TRAP1: variants seen among roughly 807,000 people sequenced by gnomAD.
TRAP1 encodes heat shock protein 75 kDa, mitochondrial.
A neutral mutation model predicts 89.1 loss-of-function variants in TRAP1; 102 were observed. That is an observed-to-expected ratio of 1.15 (90% CI 0.98 to 1.35). The LOEUF (loss-of-function observed/expected upper bound fraction) is 1.35. TRAP1 is among the 40% of genes most tolerant of loss of function. The pLI, the probability that TRAP1 is intolerant of heterozygous loss-of-function variation, is 0.00. For synonymous variants in TRAP1, 508 were observed against 388.0 expected (o/e 1.31, Z -3.64); for missense variants, 1,256 against 945.3 (o/e 1.33, Z -4.31).
chr16:3,685,610 T>A (rs1328486278), intron 4 of TRAP1, among the ~76,000 whole-genome samples: 1 of 152,160 alleles, frequency 6.6e-6, no homozygotes, highest in African/African-American at 2.4e-5. Context: ...TCCACAAGGC[T>A]ACAGCAGCAG....
chr16:3,686,161 C>G (rs1421246334), intron 3 of TRAP1, 25 bp from the exon 4 acceptor site: 2 of 1,611,774 alleles, frequency 1.2e-6, no homozygotes, highest in South Asian at 2.2e-5. Flanking sequence ...ATGGGAGGCA[C>G]AGACAATGAA....
In TRAP1 at chr16:3,672,810, A is replaced by G. The variant is rs768248164; in HGVS notation, c.1055T>C (p.Met352Thr). The G allele has an allele frequency of 1.9e-5, 30 of 1,612,812 alleles. No homozygotes were observed. Among genetic ancestry groups the G allele is most frequent in the Non-Finnish European group, 2.5e-5 (30 of 1,179,636 alleles). Residue 352 changes from methionine to threonine, a missense_variant, in exon 10 of 18, where the codon ATG (methionine) becomes ACG (threonine). Physicochemically the swap from Met to Thr is moderately conservative, Grantham distance 81. Coordinates refer to ENST00000246957, the MANE Select transcript of TRAP1 (RefSeq NM_016292.3). ...IFYVPDMKPS[M>T]FDVSRELGSS... ...GCCCAGCTCCCGGCTCACATCAAAC[A>G]TGGACGGTTTCTGGGGGTGAGGAGA...
intron 11 of TRAP1, among the ~76,000 whole-genome samples, chr16:3,671,023 G>C (rs2050905942): frequency 6.6e-6 from 1 of 152,156 alleles, no homozygotes; most frequent in Non-Finnish European, 1.5e-5. Context: ...TTCAACACTG[G>C]AGAGAAACCG....
intron 17 of TRAP1, 165 bp from the exon 18 acceptor site, chr16:3,658,395 C>T: frequency 1.6e-6 from 1 of 643,232 alleles, no homozygotes; most frequent in South Asian, 2.0e-5. Context: ...GCTGGGATTA[C>T]AGGCGTGAGC....
intron 16 of TRAP1, chr16:3,659,708 C>T (rs2042952884): frequency 6.6e-6 from 1 of 151,994 alleles, no homozygotes; most frequent in South Asian, 2.1e-4. Flanking sequence ...GAGACTCAGC[C>T]ATTCCATTTC....
chr16:3,698,371 C>T (rs1324786249), intron 1 of TRAP1, among the ~76,000 whole-genome samples: 2 of 150,946 alleles, frequency 1.3e-5, no homozygotes, highest in Admixed American at 6.6e-5. Flanking sequence ...CAGTGCAGGG[C>T]GCCATCTCGG....
chr16:3,665,612 G>A (rs1368904028), intron 12 of TRAP1: 3 of 235,738 alleles, frequency 1.3e-5, no homozygotes, highest in South Asian at 1.7e-4. Flanking sequence ...CCCCACCCAC[G>A]GGATCGGAGT....
chr16:3,696,122 T>C (rs1416471389), intron 1 of TRAP1, among the ~76,000 whole-genome samples: 1 of 152,094 alleles, frequency 6.6e-6, no homozygotes, highest in African/African-American at 2.4e-5. Context: ...CACTCTAAAG[T>C]CCCACGTCCC....
chr16:3,669,725 C>T (rs957867160), intron 11 of TRAP1, among the ~76,000 whole-genome samples: 4 of 149,250 alleles, frequency 2.7e-5, no homozygotes, highest in African/African-American at 4.9e-5. Flanking sequence ...CCCAGCTACT[C>T]GGGAGGCTGA....
intron 1 of TRAP1, among the ~76,000 whole-genome samples, chr16:3,707,078 T>C (rs958968880): frequency 1.3e-5 from 2 of 152,114 alleles, no homozygotes; most frequent in African/African-American, 4.8e-5. Context: ...TTTTTAATTA[T>C]AGCCACCCTA....
intron 1 of TRAP1, among the ~76,000 whole-genome samples, chr16:3,716,539 A>G (rs1434460589): frequency 6.6e-6 from 1 of 152,238 alleles, no homozygotes; most frequent in Non-Finnish European, 1.5e-5. Context: ...ACCTGTATAC[A>G]CTGACATGAA....
rs188741801 is a variant in TRAP1 at position 3,708,402 on chromosome 16, G to A, written c.88+9019C>T. Among the ~76,000 whole-genome samples the A allele has an allele frequency of 2.6e-5, 4 of 152,250 alleles. No homozygotes were observed. The South Asian group carries it at 8.3e-4, about 32-fold the overall frequency. ...ACCTGTAATGCCAACACTTTGGGAG[G>A]CTGAGGCGGATGGATCATGAGGTCA... On this transcript the variant is annotated intron_variant, in intron 1 of 17. Coordinates refer to ENST00000246957, the MANE Select transcript of TRAP1 (RefSeq NM_016292.3).
intron 13 of TRAP1, 193 bp downstream of exon 13, chr16:3,664,081 C>CA (rs375478230): frequency 2.1e-4 from 122 of 593,080 alleles, no homozygotes; most frequent in East Asian, 1.8e-3. Flanking sequence ...AAAAAACAAA[C>CA]AAAAAAAACC....
chr16:3,688,523 T>C (rs2051168435), intron 3 of TRAP1, among the ~76,000 whole-genome samples: 1 of 152,034 alleles, frequency 6.6e-6, no homozygotes, highest in African/African-American at 2.4e-5. Flanking sequence ...TACTCTGTTG[T>C]GCAGGTCAGT....
chr16:3,709,240 A>C (rs1376726010), intron 1 of TRAP1, among the ~76,000 whole-genome samples: 1 of 151,796 alleles, frequency 6.6e-6, no homozygotes, highest in African/African-American at 2.4e-5. Context: ...AAAAAAAAAA[A>C]AAAAAAAGAA....
rs2151242372 is a variant in TRAP1, at chr16:3,663,759, A to G, written c.1570-197T>C. 1.4e-5 allele frequency: 9 copies of G among 629,416 alleles called. No homozygotes were observed. The East Asian group carries it at 2.5e-4, about 18-fold the overall frequency. The allele number at this position is 629,416 out of a possible 1,614,324, so 39.0% of individuals were successfully genotyped here. ...GGAAGGCTCTGACTGCCTTCAAGGCAGAAGCACTCCACGCATAAAGAAATC... is the reference window on the plus strand; with the variant it reads ...GGAAGGCTCTGACTGCCTTCAAGGCGGAAGCACTCCACGCATAAAGAAATC... On this transcript the variant is annotated intron_variant, in intron 13 of 17. Transcript: ENST00000246957.
In TRAP1 at chr16:3,662,011, T is replaced by A. The variant is rs909375484; in HGVS notation, c.1916A>T (p.Gln639Leu). ...KTQEERAQLL[Q>L]PTLEINPRHA... ...CCTGGGGTTGATCTCCAGCGTGGGC[T>A]GCAGGAGCTGTGCGCGCTCCTCCTG... The change falls in exon 16 of 18, where the codon CAG (glutamine) becomes CTG (leucine). Residue 639 changes from glutamine (Q) to leucine (L), a missense_variant. Coordinates refer to ENST00000246957, the MANE Select transcript of TRAP1 (RefSeq NM_016292.3). 1.2e-6 allele frequency: 2 copies of A among 1,611,286 alleles called. No individual in the cohort carries two copies. The highest frequency in any genetic ancestry group is 1.7e-5 in the Admixed American group (1 of 59,870).
rs370719958 is a variant in TRAP1, at chr16:3,696,724, A to AT, written c.89-5740dup. ...GGCCGTGTATTACCACTCCTAGCTA[A>AT]TTTTTTTTTTCTTTTTTTTTTTGAC... On this transcript the variant is annotated intron_variant, in intron 1 of 17. Coordinates refer to ENST00000246957, the MANE Select transcript of TRAP1 (RefSeq NM_016292.3). 7.7e-4 allele frequency among the ~76,000 whole-genome samples: 112 copies of AT among 145,704 alleles called. No individual in the cohort carries two copies. In the South Asian group the frequency reaches 0.01, roughly 14 times the overall value.
In TRAP1 at chr16:3,658,097, C is replaced by G. The variant is rs2042819224; in HGVS notation, c.*32G>C. Reference sequence around the variant, plus strand: ...AAGCTCAAGGAGGTGGGGCTGTCATCTGTGGTGTCAGTCCTTCTGGCCCCC... The same window carrying G: ...AAGCTCAAGGAGGTGGGGCTGTCATGTGTGGTGTCAGTCCTTCTGGCCCCC... On this transcript the variant is annotated 3_prime_UTR_variant, in exon 18 of 18. Coordinates refer to ENST00000246957, the MANE Select transcript of TRAP1 (RefSeq NM_016292.3). 1.9e-6 allele frequency: 3 copies of G among 1,611,842 alleles called. No homozygotes were observed. Among genetic ancestry groups the G allele is most frequent in the Non-Finnish European group, 2.5e-6 (3 of 1,178,106 alleles).
Sources: gnomAD v4.1 joint callset for allele counts (sites outside exome capture counted in the v4.1 genomes callset) on GRCh38, gnomAD v4.1.1 for gene constraint, MANE v1.5 for transcripts, NCBI Gene and HGNC (gene_info 2026-07-23, HGNC 2026-07-21) for gene names.